FRAS1: variants seen among roughly 807,000 people sequenced by gnomAD.
FRAS1 encodes extracellular matrix organizing protein FRAS1.
In FRAS1, 290 loss-of-function variants were observed where a neutral mutation model predicts 435.2. The observed-to-expected ratio is 0.67, with a 90% CI of 0.61 to 0.73. The LOEUF (loss-of-function observed/expected upper bound fraction) is 0.73. Ranked by LOEUF, FRAS1 falls within the 30% of genes least tolerant of loss-of-function variation. FRAS1 has a pLI of 0.00. For missense variants in FRAS1, 4,860 were observed against 5,001.5 expected (o/e 0.97, Z 0.85); for synonymous variants, 1,800 against 1,851.0 (o/e 0.97, Z 0.71).
intron 2 of FRAS1, among the ~76,000 whole-genome samples, chr4:78,082,561 T>G (rs1471970852): frequency 6.6e-6 from 1 of 152,112 alleles, no homozygotes. Flanking sequence ...GGGGCTTTTT[T>G]TTCTTCTGTT....
rs370597256 is a variant in FRAS1, at chr4:78,477,973, C to T, written c.8010C>T (p.Thr2670=). Residue 2670 remains threonine (T), a synonymous_variant, in exon 55 of 74, where the codon ACC becomes ACT. Coordinates refer to ENST00000512123, the MANE Select transcript of FRAS1 (RefSeq NM_025074.7). ...FTQAKVIIND[T]EDEPTLEFDK... is the part of the protein sequence containing the mutation. ...AGGCGAAGGTCATTATCAACGATAC[C>T]GAGGATGAACCCACATTAGAGTTTG... 5.6e-5 allele frequency: 91 copies of T among 1,612,484 alleles called. No homozygotes were observed. The highest frequency in any genetic ancestry group is 2.0e-4 in the Admixed American group (12 of 59,850).
intron 2 of FRAS1, among the ~76,000 whole-genome samples, chr4:78,097,993 T>C (rs377144118): frequency 6.7e-6 from 1 of 150,006 alleles, no homozygotes; most frequent in African/African-American, 2.5e-5. Flanking sequence ...TGCTGATACC[T>C]TGGTCATGGA....
intron 39 of FRAS1, 74 bp downstream of exon 39, chr4:78,438,792 C>G: frequency 6.7e-7 from 1 of 1,501,620 alleles, no homozygotes; most frequent in South Asian, 1.2e-5. Flanking sequence ...CTGGTTGTAG[C>G]TCTGTTGAAA....
At chr4:78,280,998 T>G (rs1036607494) in intron 10 of FRAS1, among the ~76,000 whole-genome samples, 12 of 152,330 alleles carry the variant, frequency 7.9e-5, no homozygotes, top group Middle Eastern at 3.4e-3. Context: ...GTATCAATTT[T>G]CCTACTCATT....
At chr4:78,513,339 T>C (rs898283285) in intron 64 of FRAS1, 53 bp from the exon 65 acceptor site, 4 of 1,572,406 alleles carry the variant, frequency 2.5e-6, no homozygotes, top group East Asian at 2.2e-5. Context: ...GTATGTCCTA[T>C]TGACCATTTA....
chr4:78,477,912 G>A lies in FRAS1; in HGVS notation c.7949G>A (p.Ser2650Asn). 2 of 1,613,644 alleles carry A rather than the reference G, an allele frequency of 1.2e-6. No homozygotes were observed. Among genetic ancestry groups the A allele is most frequent in the Non-Finnish European group, 1.7e-6 (2 of 1,179,780 alleles). The change falls in exon 55 of 74, where the codon AGC (serine) becomes AAC (asparagine). Residue 2650 changes from serine (S) to asparagine (N), a missense_variant. Transcript: ENST00000512123. ...GTTGAGAGTTTCACTGTGGAGCTCA[G>A]CATGCCAGCTTATGCCCTGTTAGGG... ...ENVESFTVELSMPAYALLGEF... is the reference protein window; with the variant it reads ...ENVESFTVELNMPAYALLGEF...
At chr4:78,079,943 G>A (rs1397899260) in intron 2 of FRAS1, among the ~76,000 whole-genome samples, 1 of 152,084 alleles carries the variant, frequency 6.6e-6, no homozygotes, top group Non-Finnish European at 1.5e-5. Flanking sequence ...GACATTTGGA[G>A]GCAGCTTGGC....
At chr4:78,307,989 C>G in intron 14 of FRAS1, 77 bp from the exon 15 acceptor site, 1 of 1,430,712 alleles carries the variant, frequency 7.0e-7, no homozygotes. Context: ...CTTGTGTATT[C>G]TAAAATATTT....
chr4:78,164,264 T>C (rs770855316), intron 2 of FRAS1, among the ~76,000 whole-genome samples: 8 of 152,170 alleles, frequency 5.3e-5, no homozygotes, highest in Non-Finnish European at 1.0e-4. Context: ...TAGTATGCGA[T>C]GCTTGGACCT....
chr4:78,502,622 G>T (rs927947363), intron 61 of FRAS1, among the ~76,000 whole-genome samples: 12 of 152,138 alleles, frequency 7.9e-5, no homozygotes, highest in African/African-American at 2.9e-4. Flanking sequence ...GGGCTGAGAT[G>T]ATGGGGTTTT....
chr4:78,386,156 A>G (rs997998622), intron 28 of FRAS1, among the ~76,000 whole-genome samples: 2 of 152,174 alleles, frequency 1.3e-5, no homozygotes, highest in Admixed American at 6.5e-5. Context: ...TAAGGAGAAC[A>G]TTTAATTTTA....
rs920988100 is a variant in FRAS1, at chr4:78,066,134, T to C, written c.108+118T>C. The C allele has an allele frequency of 2.8e-5, 21 of 753,986 alleles. No homozygotes were observed. The African/African-American group carries it at 3.2e-4, about 11-fold the overall frequency. 46.7% of individuals were successfully genotyped at this position (753,986 alleles called of 1,614,324 possible). On this transcript the variant is annotated intron_variant, in intron 2 of 73. Coordinates refer to ENST00000512123, the MANE Select transcript of FRAS1 (RefSeq NM_025074.7). ...GAATATGTTTATTTTTCTTCAACGT[T>C]TGACAATTAGCCCTCATTCGGGCAC...
chr4:78,310,142 G>A (rs879285115), intron 15 of FRAS1, among the ~76,000 whole-genome samples: 3 of 152,316 alleles, frequency 2.0e-5, no homozygotes, highest in Admixed American at 6.5e-5. Flanking sequence ...AGGAAAGAAA[G>A]GCCAGGCTGC....
chr4:78,072,099 A>T (rs991814911), intron 2 of FRAS1: 1 of 152,058 alleles, frequency 6.6e-6, no homozygotes, highest in Non-Finnish European at 1.5e-5. Flanking sequence ...AAAGAAAAGG[A>T]GTAAAATTAC....
At chr4:78,366,215 G>A (rs1443496175) in intron 22 of FRAS1, among the ~76,000 whole-genome samples, 2 of 152,130 alleles carry the variant, frequency 1.3e-5, no homozygotes, top group African/African-American at 4.8e-5. Flanking sequence ...CACCAGTTGA[G>A]GTAGGAACTT....
At chr4:78,498,098 G>A (rs115296858) in intron 60 of FRAS1, among the ~76,000 whole-genome samples, 20 of 152,296 alleles carry the variant, frequency 1.3e-4, no homozygotes, top group Non-Finnish European at 2.4e-4. Context: ...TGACAGGGAC[G>A]GGGGCCTGGG....
At chr4:78,474,858 A>C (rs1313891376) in intron 53 of FRAS1, among the ~76,000 whole-genome samples, 1 of 152,084 alleles carries the variant, frequency 6.6e-6, no homozygotes, top group African/African-American at 2.4e-5. Context: ...CTACTTTACA[A>C]ATGCAATAGA....
chr4:78,306,338 G>A (rs12644010), intron 14 of FRAS1, among the ~76,000 whole-genome samples: 8,806 of 149,328 alleles, frequency 0.059, 480 homozygotes, highest in East Asian at 0.3. Flanking sequence ...ACAATTATGC[G>A]TCTTGGAGTT....
chr4:78,120,708 A>T (rs868172353), intron 2 of FRAS1, among the ~76,000 whole-genome samples: 3 of 152,228 alleles, frequency 2.0e-5, no homozygotes, highest in Admixed American at 6.5e-5. Context: ...TGTGGGTAGC[A>T]GACTTTAGGG....
Sources: gnomAD v4.1 joint callset for allele counts (sites outside exome capture counted in the v4.1 genomes callset) on GRCh38, gnomAD v4.1.1 for gene constraint, MANE v1.5 for transcripts, NCBI Gene and HGNC (gene_info 2026-07-23, HGNC 2026-07-21) for gene names.